The following PPIP5K1 variants were observed in gnomAD, a reference collection of about 807,000 sequenced individuals.
The protein encoded by PPIP5K1 is diphosphoinositol pentakisphosphate kinase 1.
A neutral mutation model predicts 27.7 loss-of-function variants in PPIP5K1; 6 were observed. The ratio of observed to expected loss-of-function variants is 0.22; its 90% CI spans 0.12 to 0.43. The LOEUF is 0.43. Among genes scored for constraint, PPIP5K1 ranks in the 20% least tolerant of loss-of-function variants. The pLI is 1.00. For missense variants in PPIP5K1, 394 were observed against 635.4 expected (o/e 0.62, Z 4.08); for synonymous variants, 145 against 242.6 (o/e 0.60, Z 3.74).
intron 30 of PPIP5K1, 80 bp downstream of exon 30, chr15:43,558,715 C>G (rs752593609): frequency 5.2e-5 from 81 of 1,568,446 alleles, no homozygotes; most frequent in Non-Finnish European, 6.8e-5. Context: ...AACTAGCTTT[C>G]TAATTTACTA....
At chr15:43,556,837 G>A (rs367566113) in intron 30 of PPIP5K1, among the ~76,000 whole-genome samples, 1 of 152,156 alleles carries the variant, frequency 6.6e-6, no homozygotes, top group African/African-American at 2.4e-5. Context: ...GAGGCAGGGT[G>A]GGGCAAGAGT....
Position 43,538,329 on chromosome 15 carries a change from C to A in PPIP5K1, c.3670+1141G>T, listed in dbSNP as rs1293336964. ...CCAATTACCACCAGTAGCTCCTCCT[C>A]TCTATAGTCACTCTAACAACTCTGT... On this transcript the variant is annotated intron_variant, in intron 31 of 31. Transcript: ENST00000420765. Among the ~76,000 whole-genome samples, 2 of 152,214 alleles carry A rather than the reference C, an allele frequency of 1.3e-5. 1 individual carries two copies. The highest frequency in any genetic ancestry group is 1.3e-4 in the Admixed American group (2 of 15,288).
intron 30 of PPIP5K1, among the ~76,000 whole-genome samples, chr15:43,549,877 G>A (rs889372730): frequency 3.9e-5 from 6 of 152,242 alleles, no homozygotes; most frequent in Admixed American, 6.5e-5. Flanking sequence ...AGGCTGAGGT[G>A]GAAGGATTGC....
intron 30 of PPIP5K1, 100 bp downstream of exon 30, chr15:43,558,695 T>C: frequency 6.7e-7 from 1 of 1,483,380 alleles, no homozygotes; most frequent in Non-Finnish European, 9.2e-7. Flanking sequence ...TGTGTCTTTG[T>C]GGATTGCCTA....
rs1293557795 is a variant in PPIP5K1 at position 43,551,606 on chromosome 15, G to GTTTTTTTTTTTTTTTT, written c.3556+7188_3556+7189insAAAAAAAAAAAAAAAA. 6.1e-4 allele frequency among the ~76,000 whole-genome samples: 64 copies of GTTTTTTTTTTTTTTTT among 105,442 alleles called. 4 individuals carry two copies. The highest frequency in any genetic ancestry group is 1.2e-3 in the African/African-American group (24 of 19,304). 69.2% of individuals were successfully genotyped at this position (105,442 alleles called of 152,430 possible). ...TTTAGACTTTCTACTTCTTGATTCAGTTTTTTTTTTTTTTGAGACGGAGTC... is the reference window on the plus strand; with the variant it reads ...TTTAGACTTTCTACTTCTTGATTCAGTTTTTTTTTTTTTTTTTTTTTTTTTTTTTTGAGACGGAGTC... On this transcript the variant is annotated intron_variant, in intron 30 of 31. Coordinates refer to ENST00000420765, the MANE Select transcript of PPIP5K1 (RefSeq NM_001394395.1).
In PPIP5K1 at chr15:43,535,322, A is replaced by G. The variant is rs1744578479; in HGVS notation, c.3825T>C (p.Pro1275=). 4.3e-6 allele frequency: 7 copies of G among 1,614,052 alleles called. No individual in the cohort carries two copies. The highest frequency in any genetic ancestry group is 5.9e-6 in the Non-Finnish European group (7 of 1,180,032). The stretch of plus-strand genomic sequence containing the variant: ...TGGAGAGCTCTTGTGCTCCACTCCC[A>G]GGGGTCTCCTGGAGCAGCCCAAGGC... The part of the protein sequence containing the change: ...HQGLGLLQET[P]GSGAQELSIE... The change falls in exon 32 of 32, where the codon CCT becomes CCC. Residue 1275 remains proline (P), a synonymous_variant. Transcript: ENST00000420765.
intron 30 of PPIP5K1, among the ~76,000 whole-genome samples, chr15:43,540,206 C>T (rs569510570): frequency 2.0e-5 from 3 of 151,752 alleles, no homozygotes; most frequent in Admixed American, 6.6e-5. Flanking sequence ...GAGCTGAGAT[C>T]GCACCACTGC....
rs754930145 is a variant in PPIP5K1 at position 43,558,792 on chromosome 15, T to C, written c.3556+3A>G. On this transcript the variant is annotated splice_donor_region_variant and intron_variant, in intron 30 of 31. Coordinates refer to ENST00000420765, the MANE Select transcript of PPIP5K1 (RefSeq NM_001394395.1). ...AAGGGTAAAAAAATAAGAATATCCCTACCTGCAGATGCCTGTGCCTGGGCA... is the reference window on the plus strand; with the variant it reads ...AAGGGTAAAAAAATAAGAATATCCCCACCTGCAGATGCCTGTGCCTGGGCA... The C allele has an allele frequency of 2.5e-6, 4 of 1,613,838 alleles. No individual in the cohort carries two copies. In the East Asian group the frequency reaches 6.7e-5, roughly 27 times the overall value.
chr15:43,555,547 A>G (rs1438038624), intron 30 of PPIP5K1, among the ~76,000 whole-genome samples: 2 of 152,036 alleles, frequency 1.3e-5, no homozygotes, highest in East Asian at 3.9e-4. Flanking sequence ...CAGCCTCCCA[A>G]AGAGCTGGGA....
intron 31 of PPIP5K1, among the ~76,000 whole-genome samples, chr15:43,535,789 T>C (rs1271664146): frequency 6.6e-6 from 1 of 152,236 alleles, no homozygotes; most frequent in East Asian, 1.9e-4. Context: ...AGGCCTCTCA[T>C]TCCTACTTTG....
intron 30 of PPIP5K1, among the ~76,000 whole-genome samples, chr15:43,545,024 A>T (rs1188096166): frequency 6.6e-6 from 1 of 151,926 alleles, no homozygotes; most frequent in African/African-American, 2.4e-5. Context: ...TAAAAATACA[A>T]ATAATTAGCC....
chr15:43,558,104 C>G (rs1435157966), intron 30 of PPIP5K1, among the ~76,000 whole-genome samples: 1 of 150,828 alleles, frequency 6.6e-6, no homozygotes, highest in African/African-American at 2.5e-5. Flanking sequence ...CTCTGTCACC[C>G]AGGCTGGAGT....
chr15:43,539,328 G>T, intron 31 of PPIP5K1, 142 bp downstream of exon 31: 1 of 666,028 alleles, frequency 1.5e-6, no homozygotes, highest in Non-Finnish European at 2.7e-6. Flanking sequence ...TCTTAGAAAT[G>T]GCAGATGAGA....
At chr15:43,545,625 G>A (rs1056289722) in intron 30 of PPIP5K1, among the ~76,000 whole-genome samples, 1 of 151,938 alleles carries the variant, frequency 6.6e-6, no homozygotes, top group African/African-American at 2.4e-5. Context: ...TTACAGGCAT[G>A]AGTCACTGCA....
intron 30 of PPIP5K1, among the ~76,000 whole-genome samples, chr15:43,557,263 A>G (rs2083094319): frequency 6.6e-6 from 1 of 152,158 alleles, no homozygotes; most frequent in African/African-American, 2.4e-5. Flanking sequence ...CCTGGGCAAC[A>G]TGGCAAAACC....
chr15:43,565,397 T>C, intron 26 of PPIP5K1, among the ~76,000 whole-genome samples: 1 of 39,524 alleles, frequency 2.5e-5, no homozygotes, highest in Non-Finnish European at 4.1e-5. Context: ...AATCTAGTCC[T>C]TGTATATTTG....
chr15:43,542,341 G>T (rs1354797271), intron 30 of PPIP5K1, among the ~76,000 whole-genome samples: 1 of 149,994 alleles, frequency 6.7e-6, no homozygotes, highest in Non-Finnish European at 1.5e-5. Flanking sequence ...ACCCATGCTA[G>T]AGTGCTGTGG....
chr15:43,556,046 G>C, intron 30 of PPIP5K1, among the ~76,000 whole-genome samples: 1 of 152,046 alleles, frequency 6.6e-6, no homozygotes, highest in East Asian at 1.9e-4. Context: ...TGGGCCGGGC[G>C]CAGTGACTCA....
intron 30 of PPIP5K1, among the ~76,000 whole-genome samples, chr15:43,552,971 G>A (rs2082422579): frequency 1.3e-5 from 2 of 152,028 alleles, no homozygotes; most frequent in Non-Finnish European, 2.9e-5. Context: ...GAATGCAGGA[G>A]GTTGCAGTGA....
Sources: allele counts gnomAD v4.1 joint callset (sites outside exome capture counted in the v4.1 genomes callset), GRCh38; gene constraint gnomAD v4.1.1; transcripts MANE v1.5; gene names NCBI Gene and HGNC (gene_info 2026-07-23, HGNC 2026-07-21).